The following SUGCT variants were observed in gnomAD, a reference collection of about 807,000 sequenced individuals.
SUGCT encodes the protein succinyl-CoA:glutarate-CoA transferase.
SUGCT carries 41 observed loss-of-function variants against 55.0 expected under a neutral mutation model. That is an observed-to-expected ratio of 0.74 (90% CI 0.58 to 0.97). SUGCT has a LOEUF of 0.97. Among genes scored for constraint, SUGCT ranks in the 50% least tolerant of loss-of-function variants. SUGCT has a pLI of 0.00. For synonymous variants in SUGCT, 187 were observed against 200.4 expected, an observed-to-expected ratio of 0.93 and a Z score of 0.56; for missense variants, 568 against 547.8, an observed-to-expected ratio of 1.04 and a Z score of -0.37.
intron 12 of SUGCT, among the ~76,000 whole-genome samples, chr7:40,747,934 C>A (rs1267969719): frequency 1.3e-5 from 2 of 152,082 alleles, no homozygotes; most frequent in African/African-American, 4.8e-5. Flanking sequence ...GGGATTTTGT[C>A]TTTTTGCTTA....
At chr7:40,513,182 T>C (rs1045709103) in intron 12 of SUGCT, among the ~76,000 whole-genome samples, 1 of 152,138 alleles carries the variant, frequency 6.6e-6, no homozygotes, top group Non-Finnish European at 1.5e-5. Flanking sequence ...TGTGATTTTT[T>C]GGGATCTTGC....
intron 12 of SUGCT, among the ~76,000 whole-genome samples, chr7:40,652,907 G>T (rs550973142): frequency 1.2e-3 from 180 of 152,262 alleles, no homozygotes; most frequent in Non-Finnish European, 2.0e-3. Context: ...CCTCATGTCT[G>T]TTTTATTCTG....
intron 9 of SUGCT, among the ~76,000 whole-genome samples, chr7:40,423,964 T>C: frequency 6.6e-6 from 1 of 152,260 alleles, no homozygotes; most frequent in Non-Finnish European, 1.5e-5. Context: ...ATTTGTTATG[T>C]GTCTCTCTTT....
At chr7:40,438,722 C>T (rs1022392193) in intron 9 of SUGCT, among the ~76,000 whole-genome samples, 10 of 151,854 alleles carry the variant, frequency 6.6e-5, no homozygotes, top group South Asian at 2.1e-4. Context: ...CAGCCCAATT[C>T]GCTGCGTATG....
chr7:40,828,439 G>A (rs1371021467), intron 13 of SUGCT, among the ~76,000 whole-genome samples: 1 of 152,112 alleles, frequency 6.6e-6, no homozygotes, highest in Non-Finnish European at 1.5e-5. Flanking sequence ...ATGAAAAAGA[G>A]CAGGGGATGG....
chr7:40,995,324 A>C, the SUGCT span, among the ~76,000 whole-genome samples: 1 of 151,748 alleles, frequency 6.6e-6, no homozygotes, highest in African/African-American at 2.4e-5. Context: ...AGACACATAC[A>C]CACATTTTAT....
chr7:40,170,798 C>T (rs1584246953), intron 1 of SUGCT, among the ~76,000 whole-genome samples: 4 of 152,242 alleles, frequency 2.6e-5, no homozygotes, highest in Admixed American at 2.6e-4. Context: ...GGTGCATAAC[C>T]ACCCATGGAC....
chr7:40,798,961 T>C (rs17621030), intron 13 of SUGCT, among the ~76,000 whole-genome samples: 47,482 of 152,100 alleles, frequency 0.31, 7,858 homozygotes, highest in South Asian at 0.44. Flanking sequence ...ACTACCCCAG[T>C]GCCATTGCAA....
the SUGCT span, among the ~76,000 whole-genome samples, chr7:40,879,136 A>G: frequency 6.6e-6 from 1 of 152,108 alleles, no homozygotes; most frequent in East Asian, 1.9e-4. Context: ...ACCACTTTAC[A>G]TATTTAAGGA....
At chr7:40,260,005 G>C (rs905557869) in intron 7 of SUGCT, among the ~76,000 whole-genome samples, 1 of 152,170 alleles carries the variant, frequency 6.6e-6, no homozygotes, top group Non-Finnish European at 1.5e-5. Flanking sequence ...AAAATGATAT[G>C]TGGGATATTT....
chr7:40,936,299 T>C, the SUGCT span, among the ~76,000 whole-genome samples: 1 of 151,720 alleles, frequency 6.6e-6, no homozygotes, highest in Non-Finnish European at 1.5e-5. Flanking sequence ...AGATTTTTCA[T>C]TTCTCCTTCA....
At chr7:40,304,011 T>C (rs1003256521) in intron 8 of SUGCT, among the ~76,000 whole-genome samples, 2 of 146,734 alleles carry the variant, frequency 1.4e-5, no homozygotes, top group African/African-American at 2.6e-5. Context: ...ATCGTGCCAT[T>C]GCACTCTAGC....
chr7:40,841,267 A>G (rs921531596), intron 13 of SUGCT, among the ~76,000 whole-genome samples: 1 of 152,148 alleles, frequency 6.6e-6, no homozygotes, highest in African/African-American at 2.4e-5. Flanking sequence ...TTTTTTACAG[A>G]CAATAATTTA....
chr7:40,768,125 G>A (rs1227669090), intron 13 of SUGCT, among the ~76,000 whole-genome samples: 1 of 152,140 alleles, frequency 6.6e-6, no homozygotes. Flanking sequence ...TTAAAGGGCA[G>A]AAAACCAAGC....
chr7:40,555,679 C>T (rs925137666), intron 12 of SUGCT, among the ~76,000 whole-genome samples: 3 of 152,070 alleles, frequency 2.0e-5, no homozygotes, highest in African/African-American at 7.2e-5. Context: ...ATTTCTAATA[C>T]TTTTTGGGGA....
intron 9 of SUGCT, among the ~76,000 whole-genome samples, chr7:40,388,363 A>T (rs1036407222): frequency 7.2e-5 from 11 of 152,154 alleles, no homozygotes; most frequent in African/African-American, 2.4e-4. Context: ...TGACTTCCTC[A>T]CCTTAACTTA....
At chr7:40,669,637 A>C (rs571697096) in intron 12 of SUGCT, among the ~76,000 whole-genome samples, 1 of 151,506 alleles carries the variant, frequency 6.6e-6, no homozygotes, top group South Asian at 2.1e-4. Context: ...CAAAAAAAAA[A>C]CCACCCCAAA....
chr7:40,427,652 T>C (rs115557672), intron 9 of SUGCT, among the ~76,000 whole-genome samples: 2,508 of 152,240 alleles, frequency 0.016, 52 homozygotes, highest in African/African-American at 0.051. Context: ...GTGGTTTGGG[T>C]TCTCCGAGAA....
At chr7:40,378,500 T>A (rs1294259339) in intron 9 of SUGCT, among the ~76,000 whole-genome samples, 1 of 152,180 alleles carries the variant, frequency 6.6e-6, no homozygotes, top group East Asian at 1.9e-4. Context: ...TCAGATGGAG[T>A]CTTGCTCTGT....
Sources: allele counts gnomAD v4.1 joint callset (sites outside exome capture counted in the v4.1 genomes callset), GRCh38; gene constraint gnomAD v4.1.1; transcripts MANE v1.5; gene names NCBI Gene and HGNC (gene_info 2026-07-23, HGNC 2026-07-21).